The following UVRAG variants were observed in gnomAD, a reference collection of about 807,000 sequenced individuals.
UVRAG encodes UV radiation resistance associated, also known as UV radiation resistance-associated gene protein.
A neutral mutation model predicts 78.0 loss-of-function variants in UVRAG; 19 were observed. The ratio of observed to expected loss-of-function variants is 0.24; its 90% CI spans 0.17 to 0.36. The LOEUF (loss-of-function observed/expected upper bound fraction) is 0.36. Among genes scored for constraint, UVRAG ranks in the 10% least tolerant of loss-of-function variants. The pLI is 1.00. For missense variants in UVRAG, 740 were observed against 853.8 expected (o/e 0.87, Z 1.66); for synonymous variants, 323 against 324.6 (o/e 1.00, Z 0.05).
intron 8 of UVRAG, among the ~76,000 whole-genome samples, chr11:75,987,028 T>C (rs1565105750): frequency 6.6e-6 from 1 of 152,246 alleles, no homozygotes; most frequent in Admixed American, 6.5e-5. Flanking sequence ...TTGGGTTGTT[T>C]CCGCTTTCTG....
chr11:75,999,059 C>T (rs1949759550), intron 8 of UVRAG, among the ~76,000 whole-genome samples: 2 of 151,906 alleles, frequency 1.3e-5, no homozygotes, highest in East Asian at 2.0e-4. Flanking sequence ...ATGGTGAAAC[C>T]CCATTTCTAC....
At chr11:75,826,316 C>T (rs1202413122) in intron 1 of UVRAG, among the ~76,000 whole-genome samples, 1 of 151,720 alleles carries the variant, frequency 6.6e-6, no homozygotes, top group Non-Finnish European at 1.5e-5. Context: ...CCACCACACC[C>T]ACCTAATTTT....
chr11:76,036,786 C>G (rs1186031926), intron 12 of UVRAG, among the ~76,000 whole-genome samples: 1 of 150,332 alleles, frequency 6.7e-6, no homozygotes, highest in Non-Finnish European at 1.5e-5. Flanking sequence ...ACACATGTGC[C>G]ACACAGATTG....
intron 13 of UVRAG, among the ~76,000 whole-genome samples, chr11:76,102,692 G>A (rs1951898163): frequency 1.3e-5 from 2 of 152,128 alleles, no homozygotes; most frequent in Admixed American, 1.3e-4. Context: ...TAAGTATGAT[G>A]TTGACTGTAG....
intron 8 of UVRAG, among the ~76,000 whole-genome samples, chr11:75,997,586 A>G (rs1203137575): frequency 6.6e-6 from 1 of 152,232 alleles, no homozygotes; most frequent in Non-Finnish European, 1.5e-5. Flanking sequence ...ATAAATATAC[A>G]TGTATAAAGA....
At chr11:75,977,260 A>T (rs1286020070) in intron 7 of UVRAG, among the ~76,000 whole-genome samples, 1 of 152,180 alleles carries the variant, frequency 6.6e-6, no homozygotes, top group Non-Finnish European at 1.5e-5. Flanking sequence ...CTGTTCTTTT[A>T]CATTTGCCGA....
At chr11:76,094,996 G>T (rs1369286685) in intron 13 of UVRAG, among the ~76,000 whole-genome samples, 2 of 152,108 alleles carry the variant, frequency 1.3e-5, no homozygotes, top group Non-Finnish European at 2.9e-5. Context: ...GCAGAGTTGG[G>T]AAAGAGGACT....
At chr11:75,913,284 T>C (rs1179738422) in intron 6 of UVRAG, among the ~76,000 whole-genome samples, 2 of 152,296 alleles carry the variant, frequency 1.3e-5, no homozygotes, top group South Asian at 2.1e-4. Context: ...GAAAAAATAC[T>C]AAGTCAGGAA....
chr11:76,038,815 C>T (rs1192031654), intron 12 of UVRAG, among the ~76,000 whole-genome samples: 2 of 152,166 alleles, frequency 1.3e-5, no homozygotes, highest in Non-Finnish European at 2.9e-5. Context: ...GAGGGTGGCT[C>T]CTAAGAACTG....
intron 6 of UVRAG, among the ~76,000 whole-genome samples, chr11:75,961,110 T>C (rs1215640590): frequency 6.6e-6 from 1 of 152,170 alleles, no homozygotes; most frequent in Non-Finnish European, 1.5e-5. Context: ...TAGCAATCCA[T>C]TTAATTTCAC....
chr11:75,836,097 TA>T (rs1178391423), intron 1 of UVRAG, among the ~76,000 whole-genome samples: 50 of 143,218 alleles, frequency 3.5e-4, no homozygotes, highest in East Asian at 3.0e-3. Context: ...GACTCTGTCT[TA>T]AAAAAAAAAA....
chr11:75,891,986 G>A (rs913925247), intron 5 of UVRAG, among the ~76,000 whole-genome samples: 6 of 152,156 alleles, frequency 3.9e-5, no homozygotes, highest in African/African-American at 1.4e-4. Flanking sequence ...TAAAACTGAT[G>A]GACAAATGTG....
chr11:76,126,814 G>T (rs1952405798), intron 14 of UVRAG, among the ~76,000 whole-genome samples: 1 of 152,092 alleles, frequency 6.6e-6, no homozygotes, highest in Non-Finnish European at 1.5e-5. Flanking sequence ...ATAAAGACTA[G>T]ATCCCTCCCA....
intron 3 of UVRAG, among the ~76,000 whole-genome samples, chr11:75,876,752 C>G (rs552902622): frequency 6.7e-6 from 1 of 150,350 alleles, no homozygotes; most frequent in African/African-American, 2.4e-5. Context: ...ATCTGAAGAC[C>G]CTTTGATTTA....
At chr11:76,055,227 T>C (rs2030297397) in intron 12 of UVRAG, among the ~76,000 whole-genome samples, 1 of 152,072 alleles carries the variant, frequency 6.6e-6, no homozygotes. Flanking sequence ...TTTGTATTTT[T>C]AGTAGAGACA....
intron 1 of UVRAG, among the ~76,000 whole-genome samples, chr11:75,834,807 C>T (rs1259809176): frequency 6.6e-6 from 1 of 151,966 alleles, no homozygotes; most frequent in East Asian, 1.9e-4. Context: ...GAGTGAGACT[C>T]TGTCTCAAAA....
chr11:76,097,297 A>G (rs1057156197), intron 13 of UVRAG, among the ~76,000 whole-genome samples: 2 of 152,022 alleles, frequency 1.3e-5, no homozygotes, highest in Admixed American at 1.3e-4. Context: ...AGTAACCTAC[A>G]TTACTCTCTC....
At chr11:75,861,869 C>A in intron 3 of UVRAG, 89 bp downstream of exon 3, 1 of 1,149,304 alleles carries the variant, frequency 8.7e-7, no homozygotes, top group Non-Finnish European at 1.3e-6. Flanking sequence ...TGAGGTTCAG[C>A]TCTGGTTTTA....
At chr11:75,940,008 A>G (rs1452026302) in intron 6 of UVRAG, among the ~76,000 whole-genome samples, 2 of 152,222 alleles carry the variant, frequency 1.3e-5, no homozygotes, top group African/African-American at 4.8e-5. Flanking sequence ...AATCACATGT[A>G]TTGGCAATAG....
Sources: allele counts gnomAD v4.1 joint callset (sites outside exome capture counted in the v4.1 genomes callset), GRCh38; gene constraint gnomAD v4.1.1; transcripts MANE v1.5; gene names NCBI Gene and HGNC (gene_info 2026-07-23, HGNC 2026-07-21).